NPAS3: variants seen among roughly 807,000 people sequenced by gnomAD.
NPAS3 encodes the protein neuronal PAS domain protein 3.
Under a neutral mutation model 73.1 loss-of-function variants are expected in NPAS3, and 14 were observed. That is an observed-to-expected ratio of 0.19 (90% CI 0.13 to 0.30). The LOEUF is 0.30. Among genes scored for constraint, NPAS3 ranks in the 10% least tolerant of loss-of-function variants. The probability of loss-of-function intolerance (pLI) is 1.00; values close to 1 mark genes in which losing one functional copy is unlikely to be tolerated. For missense variants in NPAS3, 1,096 were observed against 1,250.0 expected (o/e 0.88, Z 1.86); for synonymous variants, 620 against 541.5 (o/e 1.14, Z -2.01).
chr14:33,028,596 C>T (rs1349919411), intron 1 of NPAS3, among the ~76,000 whole-genome samples: 1 of 152,058 alleles, frequency 6.6e-6, no homozygotes, highest in Non-Finnish European at 1.5e-5. Context: ...ATATAATTCC[C>T]ATCTGAACCT....
At chr14:32,973,508 T>C (rs1245603987) in intron 1 of NPAS3, among the ~76,000 whole-genome samples, 1 of 151,864 alleles carries the variant, frequency 6.6e-6, no homozygotes, top group African/African-American at 2.4e-5. Flanking sequence ...TGCAATTCTG[T>C]TTATAGTTCT....
intron 1 of NPAS3, among the ~76,000 whole-genome samples, chr14:32,946,285 G>A (rs945588178): frequency 3.6e-4 from 54 of 150,846 alleles, no homozygotes; most frequent in Non-Finnish European, 5.9e-5. Flanking sequence ...GTTAAAATGG[G>A]CCACAATAAA....
chr14:33,376,600 G>A (rs1198266288), intron 4 of NPAS3, among the ~76,000 whole-genome samples: 1 of 152,114 alleles, frequency 6.6e-6, no homozygotes, highest in African/African-American at 2.4e-5. Context: ...TCAGAGCCAG[G>A]GCCTTGTCTC....
At chr14:33,579,487 A>G (rs553122651) in intron 5 of NPAS3, among the ~76,000 whole-genome samples, 2 of 152,288 alleles carry the variant, frequency 1.3e-5, no homozygotes, top group African/African-American at 2.4e-5. Context: ...CAGGCTCTCT[A>G]TATATTATAA....
chr14:33,399,669 TTTC>T (rs2047368851), intron 4 of NPAS3, among the ~76,000 whole-genome samples: 1 of 152,066 alleles, frequency 6.6e-6, no homozygotes, highest in Non-Finnish European at 1.5e-5. Flanking sequence ...GTTTTTTTTT[TTTC>T]TTTATGCCAC....
intron 4 of NPAS3, among the ~76,000 whole-genome samples, chr14:33,438,374 G>A (rs1351173385): frequency 6.6e-6 from 1 of 152,212 alleles, no homozygotes; most frequent in East Asian, 1.9e-4. Flanking sequence ...GTAACGGAAG[G>A]CGAACTACTG....
At chr14:33,464,006 G>C (rs1362543236) in intron 4 of NPAS3, among the ~76,000 whole-genome samples, 1 of 152,174 alleles carries the variant, frequency 6.6e-6, no homozygotes, top group Non-Finnish European at 1.5e-5. Flanking sequence ...GAAGGTTACT[G>C]CTGAGTGTGC....
At chr14:33,379,642 C>T (rs1335963709) in intron 4 of NPAS3, among the ~76,000 whole-genome samples, 3 of 152,094 alleles carry the variant, frequency 2.0e-5, no homozygotes, top group African/African-American at 7.2e-5. Context: ...ATCTCAGTCT[C>T]TAGAACTTTG....
rs77185184 is a variant in NPAS3, at chr14:33,206,553, G to C, written c.141-8629G>C. 9.5e-4 allele frequency among the ~76,000 whole-genome samples: 145 copies of C among 152,296 alleles called. 2 individuals carry two copies. In the East Asian group the frequency reaches 0.027, roughly 28 times the overall value. ...CTGTTTTTAGCATCAGTCATATCTAGTGTAGGCTACTACCTTCCATAGTCA... is the reference window on the plus strand; with the variant it reads ...CTGTTTTTAGCATCAGTCATATCTACTGTAGGCTACTACCTTCCATAGTCA... On this transcript the variant is annotated intron_variant, in intron 2 of 11. Transcript: ENST00000356141.
intron 4 of NPAS3, among the ~76,000 whole-genome samples, chr14:33,379,960 CT>C: frequency 7.2e-6 from 1 of 138,512 alleles, no homozygotes; most frequent in East Asian, 2.2e-4. Context: ...ACAGAAGAAT[CT>C]TAAGTAGTTA....
At chr14:32,977,913 G>A (rs947810128) in intron 1 of NPAS3, among the ~76,000 whole-genome samples, 6 of 152,126 alleles carry the variant, frequency 3.9e-5, no homozygotes, top group Admixed American at 1.3e-4. Flanking sequence ...TTGTTGCATA[G>A]GTCTGGGTAA....
At chr14:33,616,870 T>G (rs530367989) in intron 5 of NPAS3, among the ~76,000 whole-genome samples, 2 of 152,366 alleles carry the variant, frequency 1.3e-5, no homozygotes, top group South Asian at 4.1e-4. Context: ...GTTTGTCCTG[T>G]GCAAATCTTC....
At chr14:33,084,176 C>G (rs975532281) in intron 2 of NPAS3, among the ~76,000 whole-genome samples, 1 of 152,148 alleles carries the variant, frequency 6.6e-6, no homozygotes, top group African/African-American at 2.4e-5. Flanking sequence ...ATTGAATTGG[C>G]TTTAACTAGT....
At chr14:33,541,096 G>GGGGTGTGTGTGT (rs1555409250) in intron 4 of NPAS3, among the ~76,000 whole-genome samples, 7 of 142,780 alleles carry the variant, frequency 4.9e-5, no homozygotes, top group African/African-American at 1.9e-4. Context: ...TATGTTTAGA[G>GGGGTGTGTGTGT]GTGTGTGTGT....
At chr14:33,249,675 T>C (rs774079205) in intron 3 of NPAS3, among the ~76,000 whole-genome samples, 54 of 152,152 alleles carry the variant, frequency 3.5e-4, no homozygotes, top group Non-Finnish European at 1.6e-4. Flanking sequence ...CGCTTACATG[T>C]TCCTGTAATC....
intron 4 of NPAS3, among the ~76,000 whole-genome samples, chr14:33,408,369 T>A (rs1315872996): frequency 4.6e-5 from 7 of 152,150 alleles, no homozygotes; most frequent in Admixed American, 2.6e-4. Flanking sequence ...TGTTCCTGAT[T>A]CCACCTTGTC....
intron 3 of NPAS3, among the ~76,000 whole-genome samples, chr14:33,287,462 G>A (rs1004451091): frequency 3.3e-5 from 5 of 152,124 alleles, no homozygotes; most frequent in African/African-American, 7.2e-5. Flanking sequence ...GAGACTAACC[G>A]ACAGGGCACA....
chr14:33,612,076 T>C (rs1221263514), intron 5 of NPAS3, among the ~76,000 whole-genome samples: 3 of 152,056 alleles, frequency 2.0e-5, no homozygotes, highest in Non-Finnish European at 4.4e-5. Context: ...AGGTGGGGCC[T>C]TGGGGTACCT....
intron 5 of NPAS3, among the ~76,000 whole-genome samples, chr14:33,617,008 G>T (rs888995473): frequency 1.3e-5 from 2 of 152,100 alleles, no homozygotes; most frequent in Non-Finnish European, 2.9e-5. Flanking sequence ...CAAATATCTT[G>T]CCTGCAGCAC....
Sources: gnomAD v4.1 joint callset for allele counts (sites outside exome capture counted in the v4.1 genomes callset) on GRCh38, gnomAD v4.1.1 for gene constraint, MANE v1.5 for transcripts, NCBI Gene and HGNC (gene_info 2026-07-23, HGNC 2026-07-21) for gene names.